Variants in SPATS1 observed in about 807,000 individuals in gnomAD.
SPATS1 encodes the protein spermatogenesis associated serine rich 1, also known as spermatogenesis-associated serine-rich protein 1.
Under a neutral mutation model 33.6 loss-of-function variants are expected in SPATS1, and 23 were observed. That is an observed-to-expected ratio of 0.68 (90% CI 0.49 to 0.97). SPATS1 has a LOEUF of 0.97. Ranked by LOEUF, SPATS1 falls within the 50% of genes least tolerant of loss-of-function variation. SPATS1 has a pLI of 0.00. For missense variants in SPATS1, 327 were observed against 361.0 expected (o/e 0.91, Z 0.76); for synonymous variants, 131 against 125.6 (o/e 1.04, Z -0.29).
At chr6:44,358,004 G>A (rs1788692098) in intron 3 of SPATS1, among the ~76,000 whole-genome samples, 1 of 152,162 alleles carries the variant, frequency 6.6e-6, no homozygotes, top group Admixed American at 6.5e-5. Context: ...GGAAGCCAAG[G>A]TGTCAGGATA....
chr6:44,356,521 G>A (rs1021995943), intron 3 of SPATS1, among the ~76,000 whole-genome samples: 3 of 152,152 alleles, frequency 2.0e-5, no homozygotes, highest in Non-Finnish European at 4.4e-5. Flanking sequence ...GATTGCAATC[G>A]AGGTGTTGGC....
intron 2 of SPATS1, among the ~76,000 whole-genome samples, chr6:44,351,759 T>G (rs1788259939): frequency 6.6e-6 from 1 of 152,182 alleles, no homozygotes; most frequent in Non-Finnish European, 1.5e-5. Context: ...TGTGGGTGGT[T>G]GGGGAGTTAT....
chr6:44,367,736 C>G (rs572495554), intron 5 of SPATS1, among the ~76,000 whole-genome samples: 27 of 152,260 alleles, frequency 1.8e-4, no homozygotes, highest in Non-Finnish European at 3.1e-4. Flanking sequence ...TTTAAATAGG[C>G]AATTTTAAGG....
At chr6:44,375,756 G>T (rs549783689) in intron 7 of SPATS1, among the ~76,000 whole-genome samples, 33 of 152,070 alleles carry the variant, frequency 2.2e-4, no homozygotes, top group African/African-American at 8.0e-4. Context: ...GTTGCAGTGA[G>T]CAGAGATCGC....
intron 7 of SPATS1, among the ~76,000 whole-genome samples, chr6:44,374,916 T>C (rs1789837822): frequency 6.6e-6 from 1 of 152,236 alleles, no homozygotes; most frequent in Admixed American, 6.5e-5. Context: ...CTCTTCGTTC[T>C]TGCAGGGACT....
At chr6:44,354,739 C>T (rs933752804) in intron 3 of SPATS1, among the ~76,000 whole-genome samples, 3 of 152,196 alleles carry the variant, frequency 2.0e-5, no homozygotes, top group Non-Finnish European at 4.4e-5. Context: ...TACAATAGGG[C>T]TCACTCTTGG....
intron 5 of SPATS1, among the ~76,000 whole-genome samples, chr6:44,366,906 G>A (rs1469575449): frequency 6.6e-6 from 1 of 152,158 alleles, no homozygotes; most frequent in Non-Finnish European, 1.5e-5. Flanking sequence ...AGGTTAAAAA[G>A]GCTTAGTAAG....
chr6:44,361,383 A>C (rs1203741445), intron 4 of SPATS1: 1 of 985,272 alleles, frequency 1.0e-6, no homozygotes, highest in East Asian at 1.1e-4. Flanking sequence ...TGCGCGTGCT[A>C]TTGTTGCAGC....
chr6:44,353,653 GT>G (rs1417987840), intron 3 of SPATS1, among the ~76,000 whole-genome samples: 6 of 152,100 alleles, frequency 3.9e-5, no homozygotes, highest in Admixed American at 2.0e-4. Flanking sequence ...ACAATAAAAA[GT>G]TTTGAAAATG....
intron 7 of SPATS1, 105 bp downstream of exon 7, chr6:44,370,218 C>A: frequency 9.9e-7 from 1 of 1,012,594 alleles, no homozygotes. Context: ...GACACAGGGC[C>A]CTTTTGAATC....
chr6:44,346,341 G>C (rs1363290678), intron 2 of SPATS1, among the ~76,000 whole-genome samples: 2 of 151,446 alleles, frequency 1.3e-5, no homozygotes, highest in Admixed American at 1.3e-4. Context: ...TATTAGGATG[G>C]ATGAAATTTC....
Position 44,343,082 on chromosome 6 carries a change from C to A in SPATS1, c.1-14C>A. 6.2e-7 allele frequency: 1 copy of A among 1,613,620 alleles called. No homozygotes were observed. Among genetic ancestry groups the A allele is most frequent in the Non-Finnish European group, 8.5e-7 (1 of 1,179,760 alleles). On this transcript the variant is annotated splice_polypyrimidine_tract_variant and intron_variant, in intron 1 of 8. Coordinates refer to ENST00000674044, the MANE Select transcript of SPATS1 (RefSeq NM_001372081.1). ...CTGGGTTGCTTCTAATATTTAAAAT[C>A]ATCATGGGCACAGATGAGTCCATCC... is the stretch of plus-strand genomic sequence containing the variant.
At chr6:44,361,696 G>C (rs1192545619) in intron 4 of SPATS1, 135 bp from the exon 5 acceptor site, 9 of 1,284,418 alleles carry the variant, frequency 7.0e-6, no homozygotes, top group African/African-American at 2.9e-5. Flanking sequence ...CTCTGATGTA[G>C]AACCAAGGGA....
Position 44,343,133 on chromosome 6 carries a change from G to T in SPATS1, c.38G>T (p.Gly13Val), listed in dbSNP as rs758884220. 3 of 1,614,160 alleles carry T rather than the reference G, an allele frequency of 1.9e-6. No individual in the cohort carries two copies. In the East Asian group the frequency reaches 6.7e-5, roughly 36 times the overall value. The stretch of plus-strand genomic sequence containing the variant: ...ATGCTCACTGGAAACAGTCCACGGG[G>T]CTGCCGTCTCCCCTCCATCTCAAGC... ...PSMLTGNSPRGCRLPSISSTT... is the reference protein window; with the variant it reads ...PSMLTGNSPRVCRLPSISSTT... The change falls in exon 2 of 9, where the codon GGC becomes GTC. Residue 13 changes from glycine (G) to valine (V), a missense_variant. Gly to Val is a moderately radical substitution (Grantham distance 109). Coordinates refer to ENST00000674044, the MANE Select transcript of SPATS1 (RefSeq NM_001372081.1).
rs1433298000 is a variant in SPATS1, at chr6:44,371,672, G to A, written c.758+1559G>A. 5.3e-5 allele frequency among the ~76,000 whole-genome samples: 8 copies of A among 152,088 alleles called. No individual in the cohort carries two copies. The East Asian group carries it at 5.8e-4, about 11-fold the overall frequency. The stretch of plus-strand genomic sequence containing the variant: ...AAAGATTTTTGTTTGTGGGCTGGGC[G>A]CGGTGGCTCATGCCTGTAATCCCAG... On this transcript the variant is annotated intron_variant, in intron 7 of 8. Transcript: ENST00000674044.
intron 3 of SPATS1, among the ~76,000 whole-genome samples, 156 bp from the exon 4 acceptor site, chr6:44,360,290 C>T (rs553994571): frequency 6.6e-6 from 1 of 152,312 alleles, no homozygotes; most frequent in South Asian, 2.1e-4. Flanking sequence ...TTTCAGTCCC[C>T]TCAAATTATG....
rs567031063 is a variant in SPATS1 at position 44,379,637 on chromosome 6, A to T, written c.*2574A>T. 6.7e-6 allele frequency among the ~76,000 whole-genome samples: 1 copy of T among 150,190 alleles called. No homozygotes were observed. Among genetic ancestry groups the T allele is most frequent in the Admixed American group, 6.6e-5 (1 of 15,074 alleles). ...AAAAAAAAAAAAAAAAGAAAGAAAG[A>T]AAGAAAGAAAAACAACCAAAATACA... is the stretch of plus-strand genomic sequence containing the variant. On this transcript the variant is annotated 3_prime_UTR_variant, in exon 9 of 9. Transcript: ENST00000674044.
At position 44,359,134 on chromosome 6, in the gene SPATS1, A is replaced by T. The variant is rs182002279; in HGVS notation, c.288-1312A>T. Among the ~76,000 whole-genome samples the T allele has an allele frequency of 3.4e-3, 524 of 151,964 alleles. 1 individual carries two copies. The highest frequency in any genetic ancestry group is 0.012 in the African/African-American group (496 of 41,428). On this transcript the variant is annotated intron_variant, in intron 3 of 8. Transcript: ENST00000674044. ...CACCACCACACCTGGCTAATTAAAA[A>T]TTTTTTTGTGGAGATGAGGTCTCAC...
At chr6:44,369,897 T>TAAAAC (rs1789498005) in intron 6 of SPATS1, among the ~76,000 whole-genome samples, 154 bp from the exon 7 acceptor site, 1 of 151,544 alleles carries the variant, frequency 6.6e-6, no homozygotes, top group Non-Finnish European at 1.5e-5. Flanking sequence ...TAAAATAAAA[T>TAAAAC]AAAATAAAAT....
Sources: allele counts gnomAD v4.1 joint callset (sites outside exome capture counted in the v4.1 genomes callset), GRCh38; gene constraint gnomAD v4.1.1; transcripts MANE v1.5; gene names NCBI Gene and HGNC (gene_info 2026-07-23, HGNC 2026-07-21).